The following MGAM variants were observed in gnomAD, a reference collection of about 807,000 sequenced individuals.
MGAM encodes the protein alpha-1,4-glucosidase.
A neutral mutation model predicts 358.8 loss-of-function variants in MGAM; 253 were observed. That is an observed-to-expected ratio of 0.71 (90% confidence interval 0.64 to 0.78). The LOEUF (loss-of-function observed/expected upper bound fraction) is 0.78. Ranked by LOEUF, MGAM falls within the 30% of genes least tolerant of loss-of-function variation. The pLI, the probability that MGAM is intolerant of heterozygous loss-of-function variation, is 0.00. For synonymous variants in MGAM, 1,105 were observed against 1,227.1 expected, an observed-to-expected ratio of 0.90 and a Z score of 2.08; for missense variants, 3,080 against 3,432.6, an observed-to-expected ratio of 0.90 and a Z score of 2.57.
rs367900834 is a variant in MGAM, at chr7:142,066,757, T to A, written c.4919+36T>A. The A allele has an allele frequency of 1.4e-4, 222 of 1,538,766 alleles. 7 individuals carry two copies. The African/African-American group carries it at 2.7e-3, about 19-fold the overall frequency. ...AGCAGGGATCCCGATGACTAATGGATGACTTATTGCATTCTATGTGGTAGC... is the reference window on the plus strand; with the variant it reads ...AGCAGGGATCCCGATGACTAATGGAAGACTTATTGCATTCTATGTGGTAGC... On this transcript the variant is annotated intron_variant, in intron 41 of 70. Coordinates refer to ENST00000475668, the MANE Select transcript of MGAM (RefSeq NM_001365693.1).
chr7:142,033,921 A>G (rs760055071), intron 14 of MGAM, among the ~76,000 whole-genome samples: 1 of 152,178 alleles, frequency 6.6e-6, no homozygotes, highest in Non-Finnish European at 1.5e-5. Context: ...ATTAATTTAC[A>G]CTTTCATTCA....
chr7:141,990,842 CT>C (rs1803913934), intron 2 of MGAM, among the ~76,000 whole-genome samples: 1 of 152,178 alleles, frequency 6.6e-6, no homozygotes. Flanking sequence ...AATATCTTTC[CT>C]TTTCGCCTTC....
chr7:142,026,628 C>T (rs1423069062), intron 8 of MGAM, among the ~76,000 whole-genome samples: 3 of 152,076 alleles, frequency 2.0e-5, no homozygotes, highest in African/African-American at 7.2e-5. Context: ...ATGTGATAGT[C>T]TTGTAACACT....
intron 13 of MGAM, among the ~76,000 whole-genome samples, chr7:142,032,342 T>C (rs1426124751): frequency 5.3e-5 from 8 of 152,032 alleles, no homozygotes; most frequent in Non-Finnish European, 1.0e-4. Context: ...ATTCAAACAA[T>C]ACAGAGAGTT....
At chr7:142,088,579 C>T (rs1814981844) in intron 57 of MGAM, among the ~76,000 whole-genome samples, 1 of 117,668 alleles carries the variant, frequency 8.5e-6, no homozygotes, top group Admixed American at 8.0e-5. Flanking sequence ...TATCTATCAT[C>T]TACCTCATCT....
chr7:142,063,036 T>G (rs1404192621), intron 35 of MGAM, among the ~76,000 whole-genome samples: 1 of 152,166 alleles, frequency 6.6e-6, no homozygotes, highest in Non-Finnish European at 1.5e-5. Flanking sequence ...CCGTCTCTAC[T>G]AAAAATACAA....
At chr7:141,998,346 A>G (rs757964719) in intron 1 of MGAM, among the ~76,000 whole-genome samples, 8 of 152,032 alleles carry the variant, frequency 5.3e-5, no homozygotes, top group Non-Finnish European at 1.0e-4. Flanking sequence ...CTGTCAACCC[A>G]TCATCTAGGT....
At chr7:142,050,374 A>G in intron 23 of MGAM, 90 bp downstream of exon 23, 1 of 1,434,004 alleles carries the variant, frequency 7.0e-7, no homozygotes, top group Non-Finnish European at 9.8e-7. Context: ...ATGTGTGATT[A>G]TATTTGTAAC....
chr7:142,040,840 T>C lies in MGAM; in HGVS notation c.2492T>C (p.Leu831Pro), dbSNP rs1808455505. The change falls in exon 21 of 71, where the codon CTG becomes CCG. Residue 831 changes from leucine (L) to proline (P), a missense_variant. Physicochemically the swap from Leu to Pro is moderately conservative, Grantham distance 98 (BLOSUM62 -3). Transcript: ENST00000475668. Reference sequence around the variant, plus strand: ...ACACAGCAGCCAAATACAACCACTCTGGCCAGGTATAGCATGGCTGGAGTG... The same window carrying C: ...ACACAGCAGCCAAATACAACCACTCCGGCCAGGTATAGCATGGCTGGAGTG... ...FPTQQPNTTT[L>P]ASRKNPLGLI... The C allele has an allele frequency of 5.0e-6, 8 of 1,610,416 alleles. No individual in the cohort carries two copies. The highest frequency in any genetic ancestry group is 1.3e-5 in the African/African-American group (1 of 74,664).
chr7:142,088,325 G>A (rs553672462), intron 57 of MGAM, among the ~76,000 whole-genome samples: 2 of 146,170 alleles, frequency 1.4e-5, no homozygotes, highest in East Asian at 4.0e-4. Context: ...AGAAGCTGGG[G>A]CTGGTTTTGA....
chr7:142,096,955 G>A (rs1200491359), intron 65 of MGAM, among the ~76,000 whole-genome samples: 1 of 145,288 alleles, frequency 6.9e-6, no homozygotes, highest in African/African-American at 2.6e-5. Context: ...TTGAGACAGA[G>A]TCTCACTCTG....
chr7:142,057,087 A>T, intron 30 of MGAM, 145 bp downstream of exon 30: 1 of 744,082 alleles, frequency 1.3e-6, no homozygotes, highest in Non-Finnish European at 2.1e-6. Context: ...AAAAATAAAT[A>T]CATTCTAATT....
intron 15 of MGAM, 133 bp from the exon 16 acceptor site, chr7:142,034,537 T>C: frequency 9.9e-7 from 1 of 1,007,174 alleles, no homozygotes; most frequent in Non-Finnish European, 1.5e-6. Context: ...CAACAGGGAC[T>C]CTAATTGTAC....
chr7:142,010,593 C>G (rs1400550648), intron 3 of MGAM, among the ~76,000 whole-genome samples: 1 of 152,106 alleles, frequency 6.6e-6, no homozygotes. Flanking sequence ...GCTCCAGGTG[C>G]CCCTTGGCAT....
intron 21 of MGAM, 64 bp from the exon 22 acceptor site, chr7:142,047,721 T>C (rs2129027917): frequency 6.9e-7 from 1 of 1,439,890 alleles, no homozygotes; most frequent in South Asian, 1.2e-5. Flanking sequence ...ATGGAAATAT[T>C]CTCAGCTCGG....
intron 36 of MGAM, 62 bp downstream of exon 36, chr7:142,063,648 C>G: frequency 6.4e-7 from 1 of 1,565,014 alleles, no homozygotes; most frequent in Non-Finnish European, 8.7e-7. Context: ...ACTGGAGGAG[C>G]CCGAGGCCAG....
In MGAM at chr7:142,075,195, A is replaced by G. The variant is rs1813639620; in HGVS notation, c.5276-1008A>G. ...CAGAATATTCTTCTTTCTATGTCTG[A>G]AAAATATTCTACTGTATATATGTAC... On this transcript the variant is annotated intron_variant, in intron 45 of 70. Coordinates refer to ENST00000475668, the MANE Select transcript of MGAM (RefSeq NM_001365693.1). Among the ~76,000 whole-genome samples the G allele has an allele frequency of 1.4e-5, 2 of 146,640 alleles. 1 individual carries two copies.
Position 142,034,295 on chromosome 7 carries a change from T to C in MGAM, c.1703T>C (p.Leu568Pro), listed in dbSNP as rs782503061. The change falls in exon 15 of 71, where the codon CTC becomes CCC. Residue 568 changes from leucine (L) to proline (P), a missense_variant. By Grantham distance (98) the Leu-to-Pro change is moderately conservative. Coordinates refer to ENST00000475668, the MANE Select transcript of MGAM (RefSeq NM_001365693.1). ...ILDGYLFCKTLCMDAVQHWGK... is the reference protein window; with the variant it reads ...ILDGYLFCKTPCMDAVQHWGK... ...GATGGGTACCTGTTCTGCAAGACTC[T>C]CTGTATGGATGCAGTGCAGCACTGG... is the stretch of plus-strand genomic sequence containing the variant. 42 of 1,599,678 alleles carry C rather than the reference T, an allele frequency of 2.6e-5. No individual in the cohort carries two copies. The highest frequency in any genetic ancestry group is 3.2e-5 in the Non-Finnish European group (37 of 1,173,008).
chr7:142,097,373 A>T (rs138519746), intron 65 of MGAM, among the ~76,000 whole-genome samples: 136 of 152,082 alleles, frequency 8.9e-4, no homozygotes, highest in Non-Finnish European at 1.7e-3. Flanking sequence ...AGTCCTGGGT[A>T]CCAAAGTGCT....
Sources: gnomAD v4.1 joint callset for allele counts (sites outside exome capture counted in the v4.1 genomes callset) on GRCh38, gnomAD v4.1.1 for gene constraint, MANE v1.5 for transcripts, NCBI Gene and HGNC (gene_info 2026-07-23, HGNC 2026-07-21) for gene names.